Variants in RAB30 observed in about 807,000 individuals in gnomAD.
The protein encoded by RAB30 is ras-related protein Rab-30.
RAB30 carries 9 observed loss-of-function variants against 25.1 expected under a neutral mutation model. That is an observed-to-expected ratio of 0.36 (90% confidence interval 0.22 to 0.63). RAB30 has a LOEUF of 0.63. Among genes scored for constraint, RAB30 ranks in the 20% least tolerant of loss-of-function variants. RAB30 has a pLI of 0.69. For missense variants in RAB30, 140 were observed against 243.5 expected, an observed-to-expected ratio of 0.58 and a Z score of 2.83; for synonymous variants, 77 against 86.4, an observed-to-expected ratio of 0.89 and a Z score of 0.60.
Position 82,987,588 on chromosome 11 carries a change from C to T in RAB30, c.360G>A (p.Val120=), listed in dbSNP as rs752607090. ...CCCTCCTCGTTAGCCCTTACTTACC[C>T]ACTAACACAGTGATGACCTTGTTGC... The part of the protein sequence containing the change: ...YASNKVITVL[V]GNKIDLAERR... Residue 120 remains valine (V), a splice_region_variant and synonymous_variant, in exon 4 of 5, where the codon GTG becomes GTA. Coordinates refer to ENST00000527633, the MANE Select transcript of RAB30 (RefSeq NM_001286060.2). 1 of 1,607,306 alleles carries T rather than the reference C, an allele frequency of 6.2e-7. No individual in the cohort carries two copies. Among genetic ancestry groups the T allele is most frequent in the East Asian group, 2.2e-5 (1 of 44,582 alleles).
At chr11:83,058,806 G>A (rs989211439) in intron 1 of RAB30, among the ~76,000 whole-genome samples, 3 of 152,240 alleles carry the variant, frequency 2.0e-5, no homozygotes, top group African/African-American at 7.2e-5. Flanking sequence ...GAGTCTCAGA[G>A]CAGTTATGAC....
At chr11:83,021,062 A>AGC (rs1857566254) in intron 1 of RAB30, among the ~76,000 whole-genome samples, 2 of 152,164 alleles carry the variant, frequency 1.3e-5, no homozygotes, top group African/African-American at 4.8e-5. Flanking sequence ...CCTCTCCGCT[A>AGC]GGAGTTAAAC....
intron 1 of RAB30, among the ~76,000 whole-genome samples, chr11:83,005,309 T>G (rs1163468251): frequency 4.6e-5 from 7 of 152,258 alleles, no homozygotes; most frequent in Non-Finnish European, 1.5e-5. Flanking sequence ...ACACACTATG[T>G]GTCCCCAGGT....
chr11:82,974,932 TTTG>T lies in RAB30; in HGVS notation c.*7230_*7232del, dbSNP rs1253512901. 8 of 147,222 alleles carry T rather than the reference TTTG, an allele frequency of 5.4e-5. No homozygotes were observed. The highest frequency in any genetic ancestry group is 1.9e-4 in the East Asian group (1 of 5,152). 9.1% of individuals were successfully genotyped at this position (147,222 alleles called of 1,614,324 possible). On this transcript the variant is annotated 3_prime_UTR_variant, in exon 5 of 5. Transcript: ENST00000527633. ...GTATTATCTGAAATTTTGAGCAGAG[TTTG>T]TTGTTTTTTCTTTTTTTTTTTTTTT... is the stretch of plus-strand genomic sequence containing the variant.
At chr11:82,991,506 CAAAAAAAAAA>C (rs35298951) in intron 3 of RAB30, among the ~76,000 whole-genome samples, 2 of 65,872 alleles carry the variant, frequency 3.0e-5, no homozygotes, top group Non-Finnish European at 5.4e-5. Context: ...GACCCTTTCT[CAAAAAAAAAA>C]AAAAAAAAAA....
Position 82,992,236 on chromosome 11 carries a change from C to T in RAB30, c.177+1803G>A, listed in dbSNP as rs1261947939. The T allele has an allele frequency of 2.5e-5, 11 of 448,222 alleles. No individual in the cohort carries two copies. In the Admixed American group the frequency reaches 2.6e-4, roughly 11 times the overall value. The allele number at this position is 448,222 out of a possible 1,614,324, so 27.8% of individuals were successfully genotyped here. ...CACACTCCTGTCTCTCTTTCCTGTC[C>T]CCACAGCCTAGCTCCTTCTTCCCAC... On this transcript the variant is annotated intron_variant, in intron 3 of 4. Coordinates refer to ENST00000527633, the MANE Select transcript of RAB30 (RefSeq NM_001286060.2).
intron 1 of RAB30, among the ~76,000 whole-genome samples, chr11:83,004,871 C>T (rs1016918515): frequency 5.9e-5 from 9 of 152,034 alleles, no homozygotes; most frequent in Non-Finnish European, 1.0e-4. Flanking sequence ...TCCATCTTTC[C>T]GCCTAACAAG....
intron 1 of RAB30, among the ~76,000 whole-genome samples, chr11:83,003,039 G>A (rs991875941): frequency 1.3e-5 from 2 of 152,286 alleles, no homozygotes; most frequent in South Asian, 2.1e-4. Context: ...GAGGGGCTGG[G>A]TAAACAGGCA....
rs566631248 is a variant in RAB30 at position 82,999,104 on chromosome 11, C to T, written c.-8-1780G>A. On this transcript the variant is annotated intron_variant, in intron 1 of 4. Transcript: ENST00000527633. ...GTTCATTGGGCCTGTGAAGGAAAAA[C>T]ATTTCTCTGTACAAGAATCTGGGTC... Among the ~76,000 whole-genome samples the T allele has an allele frequency of 2.6e-5, 4 of 152,320 alleles. 1 individual carries two copies. In the South Asian group the frequency reaches 8.3e-4, roughly 32 times the overall value.
At chr11:83,050,095 C>G (rs552166485) in intron 1 of RAB30, among the ~76,000 whole-genome samples, 32 of 151,950 alleles carry the variant, frequency 2.1e-4, no homozygotes, top group African/African-American at 7.2e-4. Flanking sequence ...TCATCTCTAA[C>G]AAAAATAAAA....
intron 1 of RAB30, among the ~76,000 whole-genome samples, chr11:83,027,725 A>ACAAC (rs1268472596): frequency 6.6e-6 from 1 of 152,222 alleles, no homozygotes; most frequent in Non-Finnish European, 1.5e-5. Context: ...ACAGAGTTGT[A>ACAAC]CAACCATCAC....
At chr11:83,047,206 A>C (rs1858253375) in intron 1 of RAB30, among the ~76,000 whole-genome samples, 1 of 99,600 alleles carries the variant, frequency 1.0e-5, no homozygotes, top group African/African-American at 5.2e-5. Flanking sequence ...TGAGAGGAAC[A>C]ATCTACTCTT....
chr11:83,068,175 G>T (rs560354861), intron 1 of RAB30, among the ~76,000 whole-genome samples: 1 of 151,208 alleles, frequency 6.6e-6, no homozygotes. Context: ...GCGGGCACCT[G>T]TAATCCCAGA....
rs1715813546 is a variant in RAB30 at position 82,978,334 on chromosome 11, T to TA, written c.*3830dup. 3 of 151,978 alleles carry TA rather than the reference T, an allele frequency of 2.0e-5. No individual in the cohort carries two copies. The allele number at this position is 151,978 out of a possible 1,614,324, so 9.4% of individuals were successfully genotyped here. On this transcript the variant is annotated 3_prime_UTR_variant, in exon 5 of 5. Transcript: ENST00000527633. ...TACAGAGTTCTACAAGATTAAGAAATAAAAAAGACATTAGATTTTTGCCCT... is the reference window on the plus strand; with the variant it reads ...TACAGAGTTCTACAAGATTAAGAAATAAAAAAAGACATTAGATTTTTGCCCT...
At chr11:83,041,873 C>T (rs189436552) in intron 1 of RAB30, among the ~76,000 whole-genome samples, 106 of 151,960 alleles carry the variant, frequency 7.0e-4, no homozygotes, top group African/African-American at 2.4e-3. Context: ...GAAACACTGT[C>T]TCTAGTAAAA....
intron 1 of RAB30, among the ~76,000 whole-genome samples, chr11:83,059,494 A>G (rs749388094): frequency 1.3e-5 from 2 of 152,234 alleles, no homozygotes; most frequent in Non-Finnish European, 2.9e-5. Flanking sequence ...TGCTATTAGC[A>G]ACAATGATGC....
chr11:83,067,574 G>A (rs1858732045), intron 1 of RAB30, among the ~76,000 whole-genome samples: 1 of 152,136 alleles, frequency 6.6e-6, no homozygotes, highest in South Asian at 2.1e-4. Flanking sequence ...CCCATTCAGT[G>A]TTCTCTTTCT....
At chr11:82,984,074 T>C (rs143352330) in intron 4 of RAB30, among the ~76,000 whole-genome samples, 2,471 of 152,334 alleles carry the variant, frequency 0.016, 30 homozygotes, top group Non-Finnish European at 0.023. Flanking sequence ...GTATTTTATC[T>C]TTAAAAAGTT....
chr11:83,055,784 T>C (rs1943341), intron 1 of RAB30, among the ~76,000 whole-genome samples: 52,853 of 152,100 alleles, frequency 0.35, 9,370 homozygotes, highest in Admixed American at 0.38. Context: ...CTGTGCCTTC[T>C]ACCATGTGAC....
Sources: gnomAD v4.1 joint callset for allele counts (sites outside exome capture counted in the v4.1 genomes callset) on GRCh38, gnomAD v4.1.1 for gene constraint, MANE v1.5 for transcripts, NCBI Gene and HGNC (gene_info 2026-07-23, HGNC 2026-07-21) for gene names.